Variants in ZZEF1 observed in about 807,000 individuals in gnomAD.
ZZEF1 encodes zinc finger ZZ-type and EF-hand domain-containing protein 1.
ZZEF1 carries 157 observed loss-of-function variants against 342.8 expected under a neutral mutation model. The ratio of observed to expected loss-of-function variants is 0.46; its 90% CI spans 0.40 to 0.52. The LOEUF (loss-of-function observed/expected upper bound fraction) is 0.52. ZZEF1 is among the 20% of genes least tolerant of loss of function. ZZEF1 has a pLI of 0.00. For synonymous variants in ZZEF1, 1,505 were observed against 1,429.1 expected (o/e 1.05, Z -1.20); for missense variants, 3,480 against 3,725.6 (o/e 0.93, Z 1.72).
intron 17 of ZZEF1, 135 bp downstream of exon 17, chr17:4,082,301 AC>A: frequency 6.9e-6 from 5 of 721,090 alleles, no homozygotes; most frequent in Middle Eastern, 2.7e-4. Flanking sequence ...TATTTGGGTC[AC>A]CCACAGAAAC....
Position 4,082,469 on chromosome 17 carries a change from C to T in ZZEF1, c.2682G>A (p.Gln894=). ...VTEQEHKQSL[Q]LTFRSLCTYF... is the part of the protein sequence containing the mutation. Reference sequence around the variant, plus strand: ...ACGTGCACAGTGAACGGAAAGTGAGCTGCAGGGACTGCTTGTGCTCCTGCT... The same window carrying T: ...ACGTGCACAGTGAACGGAAAGTGAGTTGCAGGGACTGCTTGTGCTCCTGCT... Residue 894 remains glutamine (Q), a synonymous_variant, in exon 17 of 55, where the codon CAG becomes CAA. Coordinates refer to ENST00000381638, the MANE Select transcript of ZZEF1 (RefSeq NM_015113.4). The T allele has an allele frequency of 6.2e-7, 1 of 1,614,128 alleles. No individual in the cohort carries two copies. Among genetic ancestry groups the T allele is most frequent in the Non-Finnish European group, 8.5e-7 (1 of 1,180,002 alleles).
chr17:4,019,491 TG>T (rs1257152239), intron 46 of ZZEF1, among the ~76,000 whole-genome samples, 177 bp downstream of exon 46: 1 of 152,198 alleles, frequency 6.6e-6, no homozygotes, highest in African/African-American at 2.4e-5. Context: ...ACTTTGAAGA[TG>T]ATCCAGGTAA....
At position 4,082,039 on chromosome 17, in the gene ZZEF1, G is replaced by T. The variant is rs1419096337; in HGVS notation, c.2714+398C>A. ...GGCCCATTTAGCTTCTCTGGTAGTT[G>T]AAACAGGCAAAAATCTCGAAGACCT... is the stretch of plus-strand genomic sequence containing the variant. On this transcript the variant is annotated intron_variant, in intron 17 of 54. Coordinates refer to ENST00000381638, the MANE Select transcript of ZZEF1 (RefSeq NM_015113.4). Among the ~76,000 whole-genome samples, 3 of 152,158 alleles carry T rather than the reference G, an allele frequency of 2.0e-5. No individual in the cohort carries two copies. In the East Asian group the frequency reaches 5.8e-4, roughly 29 times the overall value.
At chr17:4,021,446 A>AT (rs1472405355) in intron 44 of ZZEF1, 126 bp from the exon 45 acceptor site, 1 of 659,442 alleles carries the variant, frequency 1.5e-6, no homozygotes, top group Non-Finnish European at 2.4e-6. Context: ...AGAATGTGAA[A>AT]TTAGAAAAGA....
In ZZEF1 at chr17:4,006,918, G is replaced by A. The variant is rs2055813791; in HGVS notation, c.8858C>T (p.Ala2953Val). Residue 2953 changes from alanine (A) to valine (V), a missense_variant, in exon 55 of 55, where the codon GCC (alanine) becomes GTC (valine). Physicochemically the swap from Ala to Val is moderately conservative, Grantham distance 64 (BLOSUM62 0). Transcript: ENST00000381638. The part of the protein sequence containing the change: ...ISLAINYPNK[A>V]TRLWNVEC ...ACACTCCACATTCCAGAGGCGGGTG[G>A]CCTTGTTTGGGTAGTTGATGGCCAG... The A allele has an allele frequency of 2.5e-6, 4 of 1,568,798 alleles. No homozygotes were observed. The highest frequency in any genetic ancestry group is 2.3e-5 in the East Asian group (1 of 42,700).
intron 37 of ZZEF1, among the ~76,000 whole-genome samples, chr17:4,046,107 A>G (rs982723027): frequency 6.6e-6 from 1 of 152,210 alleles, no homozygotes; most frequent in East Asian, 1.9e-4. Flanking sequence ...GATTACAGGC[A>G]TGAGCCACCA....
In ZZEF1 at chr17:4,039,499, C is replaced by T. The variant is rs565609991; in HGVS notation, c.6306+2930G>A. 1.3e-3 allele frequency among the ~76,000 whole-genome samples: 186 copies of T among 144,740 alleles called. 1 individual carries two copies. Among genetic ancestry groups the T allele is most frequent in the Non-Finnish European group, 2.1e-4 (14 of 66,454 alleles). The allele number at this position is 144,740 out of a possible 152,430, so 95.0% of individuals were successfully genotyped here. A position where few individuals can be genotyped will look rare whatever the true frequency, so the allele number is the denominator to read the frequency against. ...AAACAAACAAACAAACAAACAAATC[C>T]GCCCTGCATCCAGGAGATGCAAATG... On this transcript the variant is annotated intron_variant, in intron 39 of 54. Transcript: ENST00000381638.
intron 5 of ZZEF1, 73 bp downstream of exon 5, chr17:4,112,536 C>T: frequency 2.8e-6 from 4 of 1,448,996 alleles, no homozygotes; most frequent in Non-Finnish European, 3.8e-6. Context: ...CAAAAACTAA[C>T]AGCCTCTTCA....
At chr17:4,130,054 T>C (rs1483041999) in intron 1 of ZZEF1, among the ~76,000 whole-genome samples, 1 of 152,088 alleles carries the variant, frequency 6.6e-6, no homozygotes, top group East Asian at 1.9e-4. Flanking sequence ...AAAAAATAAC[T>C]ATTGGGTGCT....
chr17:4,056,287 CAT>C lies in ZZEF1; in HGVS notation c.5222_5223del (p.Asp1741GlyfsTer8). 3.1e-6 allele frequency: 5 copies of C among 1,601,876 alleles called. No individual in the cohort carries two copies. The highest frequency in any genetic ancestry group is 4.3e-6 in the Non-Finnish European group (5 of 1,174,224). On this transcript the variant is annotated frameshift_variant, in exon 33 of 55. Coordinates refer to ENST00000381638, the MANE Select transcript of ZZEF1 (RefSeq NM_015113.4). LOFTEE classifies it high-confidence loss of function. The part of the protein sequence containing the change: ...ADAKQNSEWM[D>X]ECQDGMFEAW... The stretch of plus-strand genomic sequence containing the variant: ...GCCTCAAACATGCCATCCTGACACT[CAT>C]CCATCCATTCTGAATTCTGCTTGGC...
chr17:4,142,710 CGCTGCAGCAGCCTCTCGCAGCCTGGCCG>C lies in ZZEF1; in HGVS notation c.158_185del (p.Pro53ArgfsTer91). On this transcript the variant is annotated frameshift_variant, in exon 1 of 55. Transcript: ENST00000381638. LOFTEE classifies it high-confidence loss of function. ...ACTCGCAGGGGGGTGTGGGCAGCAA[CGCTGCAGCAGCCTCTCGCAGCCTGGCCG>C]GCTCCAGCAGCGCCGCGGCGGGTGG... The C allele has an allele frequency of 6.3e-7, 1 of 1,594,852 alleles. No homozygotes were observed.
At chr17:4,019,967 G>A in intron 45 of ZZEF1, 198 bp from the exon 46 acceptor site, 1 of 463,162 alleles carries the variant, frequency 2.2e-6, no homozygotes, top group East Asian at 3.8e-5. Context: ...CACTACGACT[G>A]TAACTTCAAA....
rs1166916915 is a variant in ZZEF1, at chr17:4,124,068, G to GCAAGAAAATCAGGGCTGTTT, written c.355-37_355-18dup. 2.5e-6 allele frequency: 4 copies of GCAAGAAAATCAGGGCTGTTT among 1,592,632 alleles called. No individual in the cohort carries two copies. In the East Asian group the frequency reaches 9.0e-5, roughly 36 times the overall value. On this transcript the variant is annotated splice_polypyrimidine_tract_variant and intron_variant, in intron 1 of 54. Coordinates refer to ENST00000381638, the MANE Select transcript of ZZEF1 (RefSeq NM_015113.4). ...GGCAAAGGCCTACAAGATAAGAGAT[G>GCAAGAAAATCAGGGCTGTTT]CAAGAAAATCAGGGCTGTTTCAAGT... is the stretch of plus-strand genomic sequence containing the variant.
intron 8 of ZZEF1, among the ~76,000 whole-genome samples, chr17:4,104,123 T>C: frequency 6.6e-6 from 1 of 152,146 alleles, no homozygotes; most frequent in East Asian, 1.9e-4. Context: ...CTCATATGAA[T>C]TACTGCTAGG....
At chr17:4,098,725 C>T (rs1448952184) in intron 9 of ZZEF1, among the ~76,000 whole-genome samples, 2 of 152,088 alleles carry the variant, frequency 1.3e-5, no homozygotes, top group African/African-American at 2.4e-5. Context: ...TTCAAGCCAA[C>T]AAAAATTTAT....
chr17:4,089,169 G>A (rs944199766), intron 12 of ZZEF1, among the ~76,000 whole-genome samples: 1 of 152,162 alleles, frequency 6.6e-6, no homozygotes. Flanking sequence ...CAGAATAGAG[G>A]ATGAAGAAAA....
chr17:4,074,207 CGAG>C lies in ZZEF1; in HGVS notation c.3625_3627del (p.Leu1209del). The C allele has an allele frequency of 6.2e-7, 1 of 1,614,080 alleles. No homozygotes were observed. The highest frequency in any genetic ancestry group is 8.5e-7 in the Non-Finnish European group (1 of 1,179,996). On this transcript the variant is annotated inframe_deletion, in exon 24 of 55. Coordinates refer to ENST00000381638, the MANE Select transcript of ZZEF1 (RefSeq NM_015113.4). ...GCCAGGCGTCCCATCAGCCGGGAGACGAGGAGCTGTAAATCCAGCCCCCAAGAC... is the reference window on the plus strand; with the variant it reads ...GCCAGGCGTCCCATCAGCCGGGAGACGAGCTGTAAATCCAGCCCCCAAGAC...
intron 11 of ZZEF1, among the ~76,000 whole-genome samples, chr17:4,091,457 A>C (rs1485636256): frequency 1.3e-5 from 2 of 152,220 alleles, no homozygotes; most frequent in Admixed American, 1.3e-4. Flanking sequence ...AAAGCTGAAC[A>C]CTTAAATGCT....
At position 4,019,709 on chromosome 17, in the gene ZZEF1, T is replaced by C. The variant is rs1241578550; in HGVS notation, c.7465A>G (p.Met2489Val). 1.9e-6 allele frequency: 3 copies of C among 1,613,236 alleles called. No individual in the cohort carries two copies. Among genetic ancestry groups the C allele is most frequent in the Non-Finnish European group, 2.5e-6 (3 of 1,179,806 alleles). ...AGGAAGAAATAATCGGTCTTTTTCATCTGCAGTTCGTATATGGCCCGGAGA... is the reference window on the plus strand; with the variant it reads ...AGGAAGAAATAATCGGTCTTTTTCACCTGCAGTTCGTATATGGCCCGGAGA... ...HILRAIYELQ[M>V]KKTDYFFLEV... is the part of the protein sequence containing the mutation. The change falls in exon 46 of 55, where the codon ATG (methionine) becomes GTG (valine). Residue 2489 changes from methionine (M) to valine (V), a missense_variant. Around this residue, in one of 5 missense-constraint regions of ZZEF1, gnomAD observed 1,269 missense variants for 1,342.4 expected, o/e 0.95. Coordinates refer to ENST00000381638, the MANE Select transcript of ZZEF1 (RefSeq NM_015113.4).
Sources: allele counts gnomAD v4.1 joint callset (sites outside exome capture counted in the v4.1 genomes callset), GRCh38; gene constraint gnomAD v4.1.1; regional missense constraint gnomAD v4.1.1; transcripts MANE v1.5; gene names NCBI Gene and HGNC (gene_info 2026-07-23, HGNC 2026-07-21).